NRXN2: variants seen among roughly 807,000 people sequenced by gnomAD.
NRXN2 encodes the protein neurexin-2-beta.
NRXN2 carries 29 observed loss-of-function variants against 128.8 expected under a neutral mutation model. The ratio of observed to expected loss-of-function variants is 0.23; its 90% CI spans 0.17 to 0.31. The LOEUF (loss-of-function observed/expected upper bound fraction) is 0.31, where lower values mean the gene tolerates loss of function less well. NRXN2 is among the 10% of genes least tolerant of loss of function. The pLI is 1.00. For synonymous variants in NRXN2, 1,098 were observed against 1,075.2 expected, an observed-to-expected ratio of 1.02 and a Z score of -0.41; for missense variants, 1,881 against 2,452.6, an observed-to-expected ratio of 0.77 and a Z score of 4.92.
At chr11:64,652,801 T>C (rs1364589489) in intron 12 of NRXN2, among the ~76,000 whole-genome samples, 1 of 151,972 alleles carries the variant, frequency 6.6e-6, no homozygotes, top group African/African-American at 2.4e-5. Context: ...GAGGGGAAGG[T>C]TCTGTTTCTT....
At chr11:64,641,277 AG>A (rs2045623563) in intron 17 of NRXN2, among the ~76,000 whole-genome samples, 1 of 152,020 alleles carries the variant, frequency 6.6e-6, no homozygotes, top group Non-Finnish European at 1.5e-5. Flanking sequence ...CAGAAATGGG[AG>A]GTGAGAGAGG....
At chr11:64,616,707 T>C (rs946869052) in intron 22 of NRXN2, among the ~76,000 whole-genome samples, 7 of 152,208 alleles carry the variant, frequency 4.6e-5, no homozygotes, top group African/African-American at 1.7e-4. Context: ...AGCATGTGTG[T>C]GTGATTCTGA....
At chr11:64,720,692 A>T (rs1283615981) in intron 1 of NRXN2, among the ~76,000 whole-genome samples, 1 of 152,200 alleles carries the variant, frequency 6.6e-6, no homozygotes, top group East Asian at 1.9e-4. Flanking sequence ...GTGCACACAC[A>T]CGTGCACACA....
intron 9 of NRXN2, among the ~76,000 whole-genome samples, chr11:64,664,762 C>T (rs1383872523): frequency 6.6e-5 from 10 of 151,750 alleles, no homozygotes; most frequent in African/African-American, 7.3e-5. Flanking sequence ...GAGGCCGAGG[C>T]GGGTGAATCA....
chr11:64,612,719 G>A (rs139581500), intron 22 of NRXN2, among the ~76,000 whole-genome samples: 225 of 152,378 alleles, frequency 1.5e-3, no homozygotes, highest in African/African-American at 4.5e-3. Flanking sequence ...CCCCAAAGGG[G>A]AGTCTAGAAT....
intron 9 of NRXN2, among the ~76,000 whole-genome samples, chr11:64,665,696 G>A (rs2049753139): frequency 2.6e-5 from 4 of 152,174 alleles, no homozygotes; most frequent in Admixed American, 1.3e-4. Context: ...GGGGAGGAGC[G>A]GTCACTCCAC....
rs2050039535 is a variant in NRXN2, at chr11:64,667,489, T to C, written c.1559A>G (p.Asp520Gly). 1 of 1,613,932 alleles carries C rather than the reference T, an allele frequency of 6.2e-7. No individual in the cohort carries two copies. ...CCCATTGGGCTCGGTGGTGCGGAAG[T>C]CTAGGGAGATGGAGCCAGTGCGCTT... is the stretch of plus-strand genomic sequence containing the variant. ...SAKRTGSISL[D>G]FRTTEPNGLL... Residue 520 changes from aspartate (D) to glycine (G), a missense_variant, in exon 9 of 23, where the codon GAC (aspartate) becomes GGC (glycine). Coordinates refer to ENST00000265459, the MANE Select transcript of NRXN2 (RefSeq NM_015080.4). This position sits in a 1 kb window ranked among gnomAD's most constrained non-coding sequence, Gnocchi z 5.6.
chr11:64,659,032 A>G (rs1361500204), intron 11 of NRXN2, among the ~76,000 whole-genome samples: 1 of 152,180 alleles, frequency 6.6e-6, no homozygotes, highest in Non-Finnish European at 1.5e-5. Context: ...TCAAAAAACA[A>G]AAAAAATGGT....
intron 17 of NRXN2, among the ~76,000 whole-genome samples, chr11:64,640,567 G>C (rs567498807): frequency 1.2e-3 from 176 of 152,280 alleles, no homozygotes; most frequent in Non-Finnish European, 1.8e-3. Context: ...CCTGGGGAGG[G>C]GGAGGGAGTT....
rs1489279418 is a variant in NRXN2, at chr11:64,635,427, C to A, written c.3429G>T (p.Lys1143Asn). The change falls in exon 18 of 23, where the codon AAG becomes AAT. Residue 1143 changes from lysine to asparagine, a missense_variant. This residue lies in a region of NRXN2 where 390 missense variants were observed against 599.6 expected (regional missense o/e 0.65). Transcript: ENST00000265459. This position sits in a 1 kb window ranked among gnomAD's most constrained non-coding sequence, Gnocchi z 4.8. ...NDPGTTYIFG[K>N]GGALITYTWP... ...ACGTGTAGGTGATGAGCGCTCCCCC[C>A]TTCCCAAAGATGTATGTGGTCCCGG... 2 of 1,613,730 alleles carry A rather than the reference C, an allele frequency of 1.2e-6. No individual in the cohort carries two copies. The highest frequency in any genetic ancestry group is 1.7e-6 in the Non-Finnish European group (2 of 1,180,020).
At chr11:64,692,761 AG>A in intron 4 of NRXN2, 85 bp downstream of exon 4, 1 of 1,397,850 alleles carries the variant, frequency 7.2e-7, no homozygotes, top group Non-Finnish European at 1.0e-6. Flanking sequence ...GGAAGGGGAC[AG>A]GGGAAGGACA....
rs769222339 is a variant in NRXN2 at position 64,697,803 on chromosome 11, CGAGGTT to C, written c.731-17_731-12del. 6.2e-7 allele frequency: 1 copy of C among 1,613,540 alleles called. No individual in the cohort carries two copies. The highest frequency in any genetic ancestry group is 1.1e-5 in the South Asian group (1 of 91,050). On this transcript the variant is annotated splice_polypyrimidine_tract_variant and intron_variant, in intron 2 of 22. Coordinates refer to ENST00000265459, the MANE Select transcript of NRXN2 (RefSeq NM_015080.4). ...CCATGGGGTGCTCCTCTGCAGCCAGCGAGGTTCGGAGAAGACGGAGGCAGAGAGAGA... is the reference window on the plus strand; with the variant it reads ...CCATGGGGTGCTCCTCTGCAGCCAGCCGGAGAAGACGGAGGCAGAGAGAGA...
chr11:64,641,945 T>C (rs1235328849), intron 17 of NRXN2, among the ~76,000 whole-genome samples: 1 of 151,534 alleles, frequency 6.6e-6, no homozygotes, highest in Non-Finnish European at 1.5e-5. Flanking sequence ...GGAAGGCCAG[T>C]CATGGGAAAA....
chr11:64,633,373 C>T (rs1169246676), intron 18 of NRXN2, among the ~76,000 whole-genome samples: 1 of 152,174 alleles, frequency 6.6e-6, no homozygotes, highest in East Asian at 1.9e-4. Flanking sequence ...AAGTGATCTC[C>T]TTCAACCTCC....
At chr11:64,715,360 A>G (rs2057267485) in intron 1 of NRXN2, among the ~76,000 whole-genome samples, 1 of 152,208 alleles carries the variant, frequency 6.6e-6, no homozygotes, top group African/African-American at 2.4e-5. Context: ...GCTCGACTGC[A>G]GCATCCCCAG....
chr11:64,690,624 C>T, intron 4 of NRXN2, 148 bp from the exon 5 acceptor site: 1 of 713,142 alleles, frequency 1.4e-6, no homozygotes, highest in Non-Finnish European at 2.5e-6. Flanking sequence ...CCCTTGCCTT[C>T]AAGACCTCTA....
intron 2 of NRXN2, among the ~76,000 whole-genome samples, chr11:64,706,159 T>TA (rs1287736962): frequency 0.86 from 1,437 of 1,678 alleles, 662 homozygotes; most frequent in Middle Eastern, 1. Context: ...AGTATATATA[T>TA]ATAATATATA....
At chr11:64,659,140 T>C (rs2048676582) in intron 11 of NRXN2, among the ~76,000 whole-genome samples, 1 of 152,236 alleles carries the variant, frequency 6.6e-6, no homozygotes, top group Non-Finnish European at 1.5e-5. Flanking sequence ...CCTGATGACC[T>C]GCAAGCTTCC....
At chr11:64,665,053 C>T (rs565926111) in intron 9 of NRXN2, among the ~76,000 whole-genome samples, 42 of 151,458 alleles carry the variant, frequency 2.8e-4, no homozygotes, top group Non-Finnish European at 4.9e-4. Context: ...GAGGCCAAGG[C>T]GGGCGGATCA....
Sources: gnomAD v4.1 joint callset for allele counts (sites outside exome capture counted in the v4.1 genomes callset) on GRCh38, gnomAD v4.1.1 for gene constraint, gnomAD v4.1.1 regional missense constraint, Gnocchi (gnomAD v3.1) non-coding constraint, MANE v1.5 for transcripts, NCBI Gene and HGNC (gene_info 2026-07-23, HGNC 2026-07-21) for gene names.